The following DIP2B variants were observed in gnomAD, a reference collection of about 807,000 sequenced individuals.
The protein encoded by DIP2B is disco-interacting protein 2 homolog B.
Under a neutral mutation model 198.0 loss-of-function variants are expected in DIP2B, and 76 were observed. That is an observed-to-expected ratio of 0.38 (90% confidence interval 0.32 to 0.46). The LOEUF (loss-of-function observed/expected upper bound fraction) is 0.46, where lower values mean the gene tolerates loss of function less well. Among genes scored for constraint, DIP2B ranks in the 20% least tolerant of loss-of-function variants. DIP2B has a pLI of 0.99. For missense variants in DIP2B, 1,559 were observed against 1,978.4 expected (o/e 0.79, Z 4.02); for synonymous variants, 701 against 739.1 (o/e 0.95, Z 0.84).
At chr12:50,585,675 A>G (rs1364927495) in intron 1 of DIP2B, among the ~76,000 whole-genome samples, 1 of 152,170 alleles carries the variant, frequency 6.6e-6, no homozygotes, top group Non-Finnish European at 1.5e-5. Context: ...TTCCCAGGCC[A>G]TGGTAAGGAG....
chr12:50,703,083 C>T lies in DIP2B; in HGVS notation c.2326-1057C>T, dbSNP rs140440345. ...ACAAACGAATTAAAAATTAGCTAGG[C>T]GTGGTAACCCGCACCTGTACTCCCA... On this transcript the variant is annotated intron_variant, in intron 19 of 37. Transcript: ENST00000301180. 4.3e-4 allele frequency among the ~76,000 whole-genome samples: 65 copies of T among 151,910 alleles called. 1 individual carries two copies. The highest frequency in any genetic ancestry group is 1.5e-3 in the African/African-American group (61 of 41,420).
chr12:50,728,361 T>A (rs774159444), intron 29 of DIP2B, among the ~76,000 whole-genome samples, 187 bp from the exon 30 acceptor site: 1 of 151,846 alleles, frequency 6.6e-6, no homozygotes, highest in African/African-American at 2.4e-5. Context: ...AAAAAAAAAA[T>A]TCATTATTAA....
chr12:50,650,392 G>A (rs58943330), intron 3 of DIP2B, among the ~76,000 whole-genome samples: 3 of 152,042 alleles, frequency 2.0e-5, no homozygotes, highest in Admixed American at 1.3e-4. Flanking sequence ...GTAACTGTAC[G>A]CATGTTATTG....
At chr12:50,622,577 A>G (rs1555188076) in intron 1 of DIP2B, among the ~76,000 whole-genome samples, 1 of 152,224 alleles carries the variant, frequency 6.6e-6, no homozygotes, top group Non-Finnish European at 1.5e-5. Flanking sequence ...CAGTGCATAC[A>G]CAGAAAAAAA....
intron 1 of DIP2B, among the ~76,000 whole-genome samples, chr12:50,547,804 C>G (rs1332223637): frequency 6.6e-6 from 1 of 152,126 alleles, no homozygotes; most frequent in Admixed American, 6.5e-5. Flanking sequence ...TATAGTGGCT[C>G]ATGCCTGTAA....
intron 5 of DIP2B, among the ~76,000 whole-genome samples, chr12:50,672,813 T>C (rs540755575): frequency 6.6e-6 from 1 of 152,336 alleles, no homozygotes; most frequent in African/African-American, 2.4e-5. Flanking sequence ...ATGTAAGGTT[T>C]TGGTTTTGAT....
chr12:50,715,856 A>C (rs1011367488), intron 23 of DIP2B, among the ~76,000 whole-genome samples: 1 of 152,260 alleles, frequency 6.6e-6, no homozygotes, highest in Non-Finnish European at 1.5e-5. Flanking sequence ...AGAATAGGAT[A>C]CTGGAATTGA....
intron 3 of DIP2B, among the ~76,000 whole-genome samples, chr12:50,657,482 T>A (rs893565089): frequency 6.6e-6 from 1 of 152,120 alleles, no homozygotes; most frequent in African/African-American, 2.4e-5. Flanking sequence ...CCTGACATCA[T>A]GTTTTGAGAA....
intron 4 of DIP2B, 31 bp downstream of exon 4, chr12:50,660,350 A>G: frequency 1.3e-6 from 2 of 1,573,382 alleles, no homozygotes; most frequent in Non-Finnish European, 1.7e-6. Context: ...TCTCTCTGAC[A>G]GTTAATACCT....
Position 50,737,047 on chromosome 12 carries a change from A to G in DIP2B, c.4113A>G (p.Gly1371=). The G allele has an allele frequency of 6.2e-7, 1 of 1,613,826 alleles. No individual in the cohort carries two copies. Among genetic ancestry groups the G allele is most frequent in the South Asian group, 1.1e-5 (1 of 91,040 alleles). The change falls in exon 35 of 38, where the codon GGA becomes GGG. Residue 1371 remains glycine (G), a synonymous_variant. Transcript: ENST00000301180. The stretch of plus-strand genomic sequence containing the variant: ...CCTTTGATTCTTAGATTTTACCTGG[A>G]GTGAAAGTGGTTATTGTTAATCCTG... ...LLSESGKILP[G]VKVVIVNPET...
At chr12:50,559,634 A>G (rs1958501014) in intron 1 of DIP2B, among the ~76,000 whole-genome samples, 1 of 150,970 alleles carries the variant, frequency 6.6e-6, no homozygotes, top group African/African-American at 2.4e-5. Context: ...TTGGGAGGCC[A>G]AGGTGGTAGG....
At chr12:50,628,647 TAAA>T (rs1049584758) in intron 2 of DIP2B, among the ~76,000 whole-genome samples, 6 of 152,144 alleles carry the variant, frequency 3.9e-5, no homozygotes, top group Middle Eastern at 3.2e-3. Flanking sequence ...ACTGTCTATT[TAAA>T]AAAGAATCCT....
At chr12:50,595,402 C>G (rs1326125257) in intron 1 of DIP2B, among the ~76,000 whole-genome samples, 1 of 152,182 alleles carries the variant, frequency 6.6e-6, no homozygotes, top group Non-Finnish European at 1.5e-5. Flanking sequence ...CAACTGCAGC[C>G]TCAACTTGCC....
rs558114655 is a variant in DIP2B, at chr12:50,735,456, TTTTTTTG to T, written c.4101+347_4101+353del. 3.1e-3 allele frequency among the ~76,000 whole-genome samples: 241 copies of T among 78,936 alleles called. 1 individual carries two copies. The highest frequency in any genetic ancestry group is 7.8e-3 in the African/African-American group (216 of 27,860). The allele number at this position is 78,936 out of a possible 152,430, so 51.8% of individuals were successfully genotyped here. On this transcript the variant is annotated intron_variant, in intron 34 of 37. Coordinates refer to ENST00000301180, the MANE Select transcript of DIP2B (RefSeq NM_173602.3). ...TGTTTTTTTTTCATGGTTTTTTTTG[TTTTTTTG>T]TTTTTTGTTTTTTGTTTTTTTTGAG...
At chr12:50,564,849 T>C (rs1958549619) in intron 1 of DIP2B, among the ~76,000 whole-genome samples, 1 of 152,232 alleles carries the variant, frequency 6.6e-6, no homozygotes, top group African/African-American at 2.4e-5. Context: ...AATATGAAGA[T>C]ATTCTGCATT....
intron 1 of DIP2B, among the ~76,000 whole-genome samples, chr12:50,598,681 G>A (rs1593642831): frequency 7.1e-6 from 1 of 141,498 alleles, no homozygotes; most frequent in Non-Finnish European, 1.5e-5. Context: ...CAGCTTTGAT[G>A]ATAATCCTTT....
At chr12:50,630,759 C>T (rs1470544156) in intron 2 of DIP2B, among the ~76,000 whole-genome samples, 1 of 149,688 alleles carries the variant, frequency 6.7e-6, no homozygotes, top group Admixed American at 6.7e-5. Context: ...GCAACCTCCG[C>T]CTCCCCAGTT....
Position 50,727,732 on chromosome 12 carries a change from C to T in DIP2B, c.3430C>T (p.Leu1144=), listed in dbSNP as rs1939962699. ...DDLPRKRLPQ[L]YKPPTPEMLA... is the part of the protein sequence containing the mutation. Reference sequence around the variant, plus strand: ...TTTACCCAGGAAAAGGTTACCTCAGCTGTATAAACCGCCCACTCCTGAGAT... The same window carrying T: ...TTTACCCAGGAAAAGGTTACCTCAGTTGTATAAACCGCCCACTCCTGAGAT... The change falls in exon 29 of 38, where the codon CTG becomes TTG. Residue 1144 remains leucine, a synonymous_variant. Coordinates refer to ENST00000301180, the MANE Select transcript of DIP2B (RefSeq NM_173602.3). The T allele has an allele frequency of 6.2e-7, 1 of 1,614,066 alleles. No individual in the cohort carries two copies. The highest frequency in any genetic ancestry group is 1.3e-5 in the African/African-American group (1 of 74,928).
chr12:50,601,891 C>T (rs78938093), intron 1 of DIP2B, among the ~76,000 whole-genome samples: 1,716 of 152,346 alleles, frequency 0.011, 26 homozygotes, highest in South Asian at 0.055. Flanking sequence ...GTGCTAGGCA[C>T]CATCTTCACC....
Sources: gnomAD v4.1 joint callset for allele counts (sites outside exome capture counted in the v4.1 genomes callset) on GRCh38, gnomAD v4.1.1 for gene constraint, MANE v1.5 for transcripts, NCBI Gene and HGNC (gene_info 2026-07-23, HGNC 2026-07-21) for gene names.